The following CNTNAP5 variants were observed in gnomAD, a reference collection of about 807,000 sequenced individuals.
CNTNAP5 encodes the protein contactin associated protein family member 5.
In CNTNAP5, 72 loss-of-function variants were observed where a neutral mutation model predicts 150.2. That is an observed-to-expected ratio of 0.48 (90% CI 0.40 to 0.58). The LOEUF is 0.58. CNTNAP5 is among the 20% of genes least tolerant of loss of function. CNTNAP5 has a pLI of 0.00. For synonymous variants in CNTNAP5, 672 were observed against 619.8 expected (o/e 1.08, Z -1.25); for missense variants, 1,636 against 1,626.2 (o/e 1.01, Z -0.10).
intron 3 of CNTNAP5, among the ~76,000 whole-genome samples, chr2:124,364,296 A>T (rs1690306195): frequency 6.6e-6 from 1 of 151,840 alleles, no homozygotes; most frequent in Non-Finnish European, 1.5e-5. Flanking sequence ...CTCACTCTTT[A>T]CTCCTTTAAC....
intron 1 of CNTNAP5, among the ~76,000 whole-genome samples, chr2:124,128,331 T>C (rs1683764096): frequency 6.6e-6 from 1 of 152,142 alleles, no homozygotes; most frequent in South Asian, 2.1e-4. Context: ...TCACTGGCCG[T>C]CAGAGAAATG....
At chr2:124,691,134 G>A (rs1679292549) in intron 13 of CNTNAP5, among the ~76,000 whole-genome samples, 1 of 152,102 alleles carries the variant, frequency 6.6e-6, no homozygotes, top group Admixed American at 6.6e-5. Flanking sequence ...AATGCAAACA[G>A]ACTGAGTTGG....
intron 1 of CNTNAP5, among the ~76,000 whole-genome samples, chr2:124,175,359 AT>A (rs1387191259): frequency 1.3e-5 from 2 of 152,186 alleles, no homozygotes; most frequent in African/African-American, 4.8e-5. Context: ...TAATTAATTT[AT>A]TTTTAATGGC....
In CNTNAP5 at chr2:124,428,964, ACTTT is replaced by A. The variant is rs1558898138; in HGVS notation, c.530-5515_530-5512del. ...CTACCCTTTTTACTCCTTTCTACAC[ACTTT>A]CTTTTTTTCCTTTTAAAAGAGAATC... On this transcript the variant is annotated intron_variant, in intron 4 of 23. Coordinates refer to ENST00000682447, the MANE Select transcript of CNTNAP5 (RefSeq NM_001367498.1). 2.6e-5 allele frequency among the ~76,000 whole-genome samples: 4 copies of A among 152,098 alleles called. No individual in the cohort carries two copies. The South Asian group carries it at 8.3e-4, about 31-fold the overall frequency.
intron 3 of CNTNAP5, among the ~76,000 whole-genome samples, chr2:124,372,946 G>A (rs1283965378): frequency 2.6e-5 from 4 of 152,108 alleles, no homozygotes; most frequent in African/African-American, 9.7e-5. Context: ...CCTTCAACCT[G>A]ATGGTTGAAG....
intron 4 of CNTNAP5, among the ~76,000 whole-genome samples, chr2:124,431,508 G>GATATATATATATATAT (rs201654852): frequency 4.0e-4 from 46 of 114,214 alleles, no homozygotes; most frequent in African/African-American, 1.2e-3. Flanking sequence ...AAGTGTCAAA[G>GATATATATATATATAT]ATATATATAT....
At chr2:124,452,850 C>A (rs1339351993) in intron 6 of CNTNAP5, among the ~76,000 whole-genome samples, 3 of 152,070 alleles carry the variant, frequency 2.0e-5, no homozygotes, top group African/African-American at 7.3e-5. Context: ...AAGGAAACAC[C>A]CAGTGGGACA....
At position 124,777,622 on chromosome 2, in the gene CNTNAP5, A is replaced by G. The variant is rs564032518; in HGVS notation, c.2752+4605A>G. Among the ~76,000 whole-genome samples the G allele has an allele frequency of 1.8e-4, 27 of 152,258 alleles. No individual in the cohort carries two copies. In the East Asian group the frequency reaches 4.1e-3, roughly 23 times the overall value. ...GGTCTCCAATTCCTGGGCTCAAACA[A>G]TCTGCCCACCTTGGCCGCCCAGATT... On this transcript the variant is annotated intron_variant, in intron 17 of 23. Transcript: ENST00000682447.
chr2:124,476,807 G>T (rs191183346), intron 7 of CNTNAP5, among the ~76,000 whole-genome samples: 21 of 149,302 alleles, frequency 1.4e-4, no homozygotes, highest in African/African-American at 5.1e-4. Context: ...GAGAGAAGTC[G>T]TTGTCTAACA....
At chr2:124,792,814 G>A (rs949444905) in intron 18 of CNTNAP5, among the ~76,000 whole-genome samples, 16 of 151,982 alleles carry the variant, frequency 1.1e-4, no homozygotes, top group East Asian at 7.7e-4. Context: ...CTTTTACTTC[G>A]CATAATATTG....
chr2:124,713,021 A>T (rs1679839576), intron 13 of CNTNAP5, among the ~76,000 whole-genome samples: 1 of 152,106 alleles, frequency 6.6e-6, no homozygotes, highest in Admixed American at 6.6e-5. Flanking sequence ...GGAGGTAAGG[A>T]TTTCAACATA....
Position 124,230,075 on chromosome 2 carries a change from T to C in CNTNAP5, c.187+8266T>C, listed in dbSNP as rs188871993. On this transcript the variant is annotated intron_variant, in intron 2 of 23. Coordinates refer to ENST00000682447, the MANE Select transcript of CNTNAP5 (RefSeq NM_001367498.1). Reference sequence around the variant, plus strand: ...GAATTTGATTTCTTATGTCAAGGCATTTTCAGCTCCCTGGGCTCATGGATG... The same window carrying C: ...GAATTTGATTTCTTATGTCAAGGCACTTTCAGCTCCCTGGGCTCATGGATG... 1.6e-3 allele frequency among the ~76,000 whole-genome samples: 245 copies of C among 152,230 alleles called. 1 individual carries two copies. Among genetic ancestry groups the C allele is most frequent in the Non-Finnish European group, 2.5e-3 (169 of 68,010 alleles).
At chr2:124,662,018 T>C (rs886250004) in intron 13 of CNTNAP5, among the ~76,000 whole-genome samples, 21 of 152,108 alleles carry the variant, frequency 1.4e-4, no homozygotes, top group African/African-American at 4.3e-4. Flanking sequence ...CACCCCCCGA[T>C]AGGCCTCGGT....
At chr2:124,320,928 A>G (rs1217238963) in intron 3 of CNTNAP5, among the ~76,000 whole-genome samples, 1 of 152,164 alleles carries the variant, frequency 6.6e-6, no homozygotes, top group East Asian at 1.9e-4. Flanking sequence ...GATCAATTGT[A>G]AAATGAATAG....
intron 14 of CNTNAP5, among the ~76,000 whole-genome samples, chr2:124,754,144 G>A (rs193102143): frequency 6.6e-6 from 1 of 152,172 alleles, no homozygotes; most frequent in African/African-American, 2.4e-5. Flanking sequence ...AGATTCCCAG[G>A]CTCCATGCAT....
intron 3 of CNTNAP5, among the ~76,000 whole-genome samples, chr2:124,294,630 G>C (rs1266107534): frequency 1.3e-5 from 2 of 152,210 alleles, no homozygotes; most frequent in African/African-American, 4.8e-5. Flanking sequence ...AGGGAATGTA[G>C]AGGTATTTGG....
intron 19 of CNTNAP5, among the ~76,000 whole-genome samples, chr2:124,812,589 G>T (rs1195801664): frequency 6.6e-6 from 1 of 152,136 alleles, no homozygotes; most frequent in African/African-American, 2.4e-5. Flanking sequence ...CCACCTGGAG[G>T]CTTCATCTGC....
intron 12 of CNTNAP5, among the ~76,000 whole-genome samples, chr2:124,634,916 C>T (rs1471165463): frequency 6.6e-6 from 1 of 152,122 alleles, no homozygotes; most frequent in East Asian, 1.9e-4. Flanking sequence ...TCCAAACTTT[C>T]CTGCACCTTC....
intron 1 of CNTNAP5, among the ~76,000 whole-genome samples, chr2:124,218,208 G>A (rs1225018546): frequency 6.6e-6 from 1 of 152,040 alleles, no homozygotes; most frequent in East Asian, 1.9e-4. Context: ...TCAGACCTTG[G>A]CGACAACCTT....
Sources: gnomAD v4.1 joint callset for allele counts (sites outside exome capture counted in the v4.1 genomes callset) on GRCh38, gnomAD v4.1.1 for gene constraint, MANE v1.5 for transcripts, NCBI Gene and HGNC (gene_info 2026-07-23, HGNC 2026-07-21) for gene names.